LMO7: variants seen among roughly 807,000 people sequenced by gnomAD.
The protein encoded by LMO7 is LIM domain only protein 7.
LMO7 carries 120 observed loss-of-function variants against 206.5 expected under a neutral mutation model. That is an observed-to-expected ratio of 0.58 (90% CI 0.50 to 0.68). LMO7 has a LOEUF of 0.68. Ranked by LOEUF, LMO7 falls within the 30% of genes least tolerant of loss-of-function variation. LMO7 has a pLI of 0.00. For synonymous variants in LMO7, 706 were observed against 681.5 expected (o/e 1.04, Z -0.56); for missense variants, 1,959 against 1,957.9 (o/e 1.00, Z -0.01).
intron 11 of LMO7, among the ~76,000 whole-genome samples, chr13:75,811,869 G>C (rs1432551905): frequency 6.6e-6 from 1 of 152,096 alleles, no homozygotes; most frequent in South Asian, 2.1e-4. Flanking sequence ...TGAATCTGTT[G>C]CCAGTATTAA....
At chr13:75,816,807 T>G (rs9573663) in intron 11 of LMO7, 4,863 of 160,950 alleles carry the variant, frequency 0.03, 229 homozygotes, top group African/African-American at 0.1. Flanking sequence ...TAAAGAGAGA[T>G]AATTCTAGTG....
chr13:75,830,300 C>A (rs1271433601), intron 15 of LMO7, among the ~76,000 whole-genome samples: 1 of 148,832 alleles, frequency 6.7e-6, no homozygotes, highest in Non-Finnish European at 1.5e-5. Flanking sequence ...GAAGGCCCCA[C>A]AAGTGGGGCT....
chr13:75,797,336 A>G (rs1043898202), intron 6 of LMO7, among the ~76,000 whole-genome samples: 5 of 152,202 alleles, frequency 3.3e-5, no homozygotes, highest in African/African-American at 9.6e-5. Flanking sequence ...TTTGCAATCA[A>G]TGTGACAGCC....
intron 6 of LMO7, 113 bp from the exon 7 acceptor site, chr13:75,800,571 A>T: frequency 1.1e-6 from 1 of 892,152 alleles, no homozygotes; most frequent in Non-Finnish European, 1.8e-6. Context: ...CTCATGCCTT[A>T]CATGTCAAAT....
intron 2 of LMO7, among the ~76,000 whole-genome samples, chr13:75,630,411 G>A (rs1262898281): frequency 2.0e-5 from 3 of 152,276 alleles, no homozygotes; most frequent in South Asian, 4.1e-4. Context: ...AGTGGCTCAC[G>A]CCTGTAATCC....
At chr13:75,637,029 G>A (rs1486277212) in intron 1 of LMO7, among the ~76,000 whole-genome samples, 3 of 152,198 alleles carry the variant, frequency 2.0e-5, no homozygotes, top group Non-Finnish European at 4.4e-5. Flanking sequence ...AGCGCAGTCC[G>A]CCCTGGCTCG....
chr13:75,821,470 A>C lies in LMO7; in HGVS notation c.2501A>C (p.Gln834Pro). The C allele has an allele frequency of 1.2e-6, 2 of 1,614,210 alleles. No homozygotes were observed. The highest frequency in any genetic ancestry group is 1.7e-6 in the Non-Finnish European group (2 of 1,180,018). Residue 834 changes from glutamine to proline, a missense_variant, in exon 14 of 31, where the codon CAA becomes CCA. Physicochemically the swap from Gln to Pro is moderately conservative, Grantham distance 76 (BLOSUM62 -1). Transcript: ENST00000377534. ...TCTTCTCTGCGTTCACGGAGCACAC[A>C]AATGGAATCAACTCGTGTTTCAGCT... ...SLSSLRSRST[Q>P]MESTRVSASL... is the part of the protein sequence containing the mutation.
At chr13:75,761,315 A>C (rs571506344) in intron 4 of LMO7, among the ~76,000 whole-genome samples, 5 of 152,162 alleles carry the variant, frequency 3.3e-5, no homozygotes, top group African/African-American at 1.2e-4. Context: ...CCAACATGGT[A>C]GTGTTTGGTT....
At chr13:75,778,712 C>G (rs750433557) in intron 4 of LMO7, among the ~76,000 whole-genome samples, 3 of 152,160 alleles carry the variant, frequency 2.0e-5, no homozygotes, top group Non-Finnish European at 4.4e-5. Context: ...GGCTAGAGGA[C>G]TTATGTTTCA....
intron 3 of LMO7, among the ~76,000 whole-genome samples, chr13:75,730,544 G>A (rs948108459): frequency 1.8e-4 from 27 of 150,974 alleles, no homozygotes; most frequent in South Asian, 1.1e-3. Context: ...TCTTGCTAGC[G>A]GTCTATCAAT....
intron 2 of LMO7, among the ~76,000 whole-genome samples, chr13:75,724,631 G>A (rs1181932662): frequency 6.6e-6 from 1 of 152,080 alleles, no homozygotes; most frequent in African/African-American, 2.4e-5. Flanking sequence ...TAATCCTCTA[G>A]GCAGACTTAA....
At chr13:75,642,445 A>T (rs2036626452) in intron 1 of LMO7, among the ~76,000 whole-genome samples, 1 of 122,962 alleles carries the variant, frequency 8.1e-6, no homozygotes, top group Non-Finnish European at 1.8e-5. Context: ...TCTCTACCAA[A>T]AAAAAAAAAA....
intron 15 of LMO7, among the ~76,000 whole-genome samples, chr13:75,830,349 A>T (rs1158634772): frequency 6.6e-6 from 1 of 152,134 alleles, no homozygotes; most frequent in African/African-American, 2.4e-5. Context: ...ACCCACTTTA[A>T]TCCTTCTGTG....
At chr13:75,717,934 T>C (rs2043690995) in intron 2 of LMO7, among the ~76,000 whole-genome samples, 1 of 152,242 alleles carries the variant, frequency 6.6e-6, no homozygotes, top group Admixed American at 6.5e-5. Flanking sequence ...TTTTACAGCC[T>C]TTTGAAATTT....
exon 1 of LMO7, chr13:75,620,789 C>G (rs1314485373): frequency 1.3e-5 from 2 of 152,158 alleles, no homozygotes; most frequent in Non-Finnish European, 2.9e-5. Context: ...GGCTTTCCCA[C>G]TAAGTGGCTG....
At chr13:75,832,902 C>A in intron 15 of LMO7, 149 bp from the exon 16 acceptor site, 5 of 508,338 alleles carry the variant, frequency 9.8e-6, no homozygotes, top group Admixed American at 3.4e-5. Context: ...AAAGTTTTAC[C>A]AACCTAAGGA....
intron 25 of LMO7, 105 bp from the exon 26 acceptor site, chr13:75,845,218 AAAAT>A: frequency 3.6e-6 from 2 of 551,086 alleles, no homozygotes; most frequent in Non-Finnish European, 6.1e-6. Flanking sequence ...GCAGACACAG[AAAAT>A]AAATCAACTG....
chr13:75,643,148 C>A (rs2036711807), intron 1 of LMO7, among the ~76,000 whole-genome samples: 1 of 152,202 alleles, frequency 6.6e-6, no homozygotes, highest in African/African-American at 2.4e-5. Flanking sequence ...TCTTTCGGTG[C>A]ATTGCTCTAG....
At chr13:75,703,840 C>T (rs573654191) in intron 1 of LMO7, among the ~76,000 whole-genome samples, 105 of 152,180 alleles carry the variant, frequency 6.9e-4, no homozygotes, top group African/African-American at 2.2e-3. Context: ...TATTCAGGGA[C>T]AGGAAAGAGG....
Sources: allele counts gnomAD v4.1 joint callset (sites outside exome capture counted in the v4.1 genomes callset), GRCh38; gene constraint gnomAD v4.1.1; transcripts MANE v1.5; gene names NCBI Gene and HGNC (gene_info 2026-07-23, HGNC 2026-07-21).